Variants in DNAAF10 observed in about 807,000 individuals in gnomAD.
DNAAF10 encodes the protein WD repeat domain 92.
Under a neutral mutation model 43.7 loss-of-function variants are expected in DNAAF10, and 28 were observed. That is an observed-to-expected ratio of 0.64 (90% CI 0.48 to 0.88). DNAAF10 has a LOEUF of 0.88. Among genes scored for constraint, DNAAF10 ranks in the 40% least tolerant of loss-of-function variants. The probability of loss-of-function intolerance (pLI) is 0.00; values close to 1 mark genes in which losing one functional copy is unlikely to be tolerated. For missense variants in DNAAF10, 403 were observed against 439.1 expected, an observed-to-expected ratio of 0.92 and a Z score of 0.73; for synonymous variants, 156 against 157.3, an observed-to-expected ratio of 0.99 and a Z score of 0.06.
intron 1 of DNAAF10, among the ~76,000 whole-genome samples, chr2:68,148,629 G>C (rs2103629655): frequency 6.6e-6 from 1 of 152,108 alleles, no homozygotes; most frequent in East Asian, 1.9e-4. Flanking sequence ...GAGATCTCCG[G>C]AATCTGGAAT....
Position 68,140,614 on chromosome 2 carries a change from G to A in DNAAF10, c.517+1080C>T, listed in dbSNP as rs539650082. 4.1e-4 allele frequency among the ~76,000 whole-genome samples: 63 copies of A among 152,080 alleles called. 2 individuals carry two copies. The South Asian group carries it at 9.3e-3, about 23-fold the overall frequency. Reference sequence around the variant, plus strand: ...ATTCTCTGTACCACTCATCACTCCCGCTAAATACCACTAGTTCATTTTCCT... The same window carrying A: ...ATTCTCTGTACCACTCATCACTCCCACTAAATACCACTAGTTCATTTTCCT... On this transcript the variant is annotated intron_variant, in intron 4 of 7. Transcript: ENST00000295121.
At chr2:68,143,287 A>C (rs764655134) in intron 3 of DNAAF10, among the ~76,000 whole-genome samples, 18 of 152,158 alleles carry the variant, frequency 1.2e-4, no homozygotes, top group Non-Finnish European at 2.2e-4. Context: ...AGGTTCAAGC[A>C]AAACTTGTGT....
At chr2:68,153,668 T>C (rs1572928845) in intron 1 of DNAAF10, among the ~76,000 whole-genome samples, 1 of 150,708 alleles carries the variant, frequency 6.6e-6, no homozygotes, top group East Asian at 1.9e-4. Context: ...CAGTAAGGAG[T>C]GGGAGTTACT....
At position 68,130,914 on chromosome 2, in the gene DNAAF10, C is replaced by CTTTTT. The variant is rs879114176; in HGVS notation, c.*319_*323dup. 1.1e-4 allele frequency: 13 copies of CTTTTT among 122,616 alleles called. No individual in the cohort carries two copies. The highest frequency in any genetic ancestry group is 1.8e-4 in the Admixed American group (2 of 11,226). 7.6% of individuals were successfully genotyped at this position (122,616 alleles called of 1,614,324 possible). A position where few individuals can be genotyped will look rare whatever the true frequency, so the allele number is the denominator to read the frequency against. On this transcript the variant is annotated 3_prime_UTR_variant, in exon 8 of 8. Coordinates refer to ENST00000295121, the MANE Select transcript of DNAAF10 (RefSeq NM_138458.4). Reference sequence around the variant, plus strand: ...CTCTGGAAGGTTTCAAGTCCAAAGTCTTTTTTTTTTTTTTTTTTTTTGAGA... The same window carrying CTTTTT: ...CTCTGGAAGGTTTCAAGTCCAAAGTCTTTTTTTTTTTTTTTTTTTTTTTTTTGAGA...
intron 3 of DNAAF10, among the ~76,000 whole-genome samples, chr2:68,142,779 A>G (rs900752356): frequency 4.0e-5 from 6 of 148,472 alleles, no homozygotes; most frequent in Non-Finnish European, 9.0e-5. Context: ...GAAAAGGGCA[A>G]AAAAAAAAAA....
chr2:68,155,659 C>T (rs891022735), intron 1 of DNAAF10, among the ~76,000 whole-genome samples: 1 of 152,066 alleles, frequency 6.6e-6, no homozygotes, highest in Non-Finnish European at 1.5e-5. Context: ...TAGCACTGCA[C>T]TCCGGACTGG....
intron 5 of DNAAF10, among the ~76,000 whole-genome samples, chr2:68,138,488 G>A (rs974278398): frequency 5.3e-5 from 8 of 152,176 alleles, no homozygotes; most frequent in Admixed American, 1.3e-4. Flanking sequence ...GCCCACAGGG[G>A]TCTGCAGACA....
intron 1 of DNAAF10, among the ~76,000 whole-genome samples, chr2:68,155,745 C>G (rs1035718180): frequency 7.2e-5 from 11 of 151,834 alleles, no homozygotes; most frequent in Admixed American, 6.6e-4. Context: ...AGAAATTTTA[C>G]TTTGTGTAGA....
intron 1 of DNAAF10, 161 bp downstream of exon 1, chr2:68,157,100 A>C (rs1673641854): frequency 6.9e-6 from 7 of 1,008,572 alleles, no homozygotes; most frequent in Admixed American, 5.6e-5. Context: ...AAAGGTTTTA[A>C]ATAGGAAACA....
At chr2:68,132,875 C>T (rs979463122) in intron 7 of DNAAF10, among the ~76,000 whole-genome samples, 1 of 152,172 alleles carries the variant, frequency 6.6e-6, no homozygotes, top group African/African-American at 2.4e-5. Flanking sequence ...ACTTTACTGA[C>T]GGAACTAAAT....
chr2:68,143,650 T>C (rs921933116), intron 3 of DNAAF10, among the ~76,000 whole-genome samples: 1 of 152,218 alleles, frequency 6.6e-6, no homozygotes, highest in African/African-American at 2.4e-5. Context: ...GAATATTATA[T>C]AGTCATTAAA....
intron 5 of DNAAF10, among the ~76,000 whole-genome samples, chr2:68,138,276 G>A (rs1192181241): frequency 6.6e-6 from 1 of 152,042 alleles, no homozygotes; most frequent in Non-Finnish European, 1.5e-5. Context: ...AATGCCTTTG[G>A]GGAATCATTA....
Position 68,131,253 on chromosome 2 carries a change from C to T in DNAAF10, c.1059G>A (p.Lys353=). The T allele has an allele frequency of 6.2e-7, 1 of 1,613,996 alleles. No homozygotes were observed. Among genetic ancestry groups the T allele is most frequent in the Non-Finnish European group, 8.5e-7 (1 of 1,179,998 alleles). The change falls in exon 8 of 8, where the codon AAG becomes AAA. Residue 353 remains lysine, a synonymous_variant. Transcript: ENST00000295121. ...DQTVRVLIVT[K]LNKI ...AGTCTTGAAGTCAAATTTTATTGAGCTTTGTAACGATCAGTACTCTCACCG... is the reference window on the plus strand; with the variant it reads ...AGTCTTGAAGTCAAATTTTATTGAGTTTTGTAACGATCAGTACTCTCACCG...
At chr2:68,156,296 C>T (rs1673609462) in intron 1 of DNAAF10, among the ~76,000 whole-genome samples, 1 of 152,040 alleles carries the variant, frequency 6.6e-6, no homozygotes, top group South Asian at 2.1e-4. Context: ...CCTTTATCTA[C>T]CAGTTTAATC....
chr2:68,146,088 C>T (rs1339860013), intron 2 of DNAAF10, among the ~76,000 whole-genome samples: 1 of 152,096 alleles, frequency 6.6e-6, no homozygotes, highest in East Asian at 1.9e-4. Context: ...ATGGCGAAAC[C>T]CCATCTCTAC....
In DNAAF10 at chr2:68,131,179, A is replaced by G; in HGVS notation, c.*59T>C. The G allele has an allele frequency of 3.2e-6, 5 of 1,572,792 alleles. No individual in the cohort carries two copies. Among genetic ancestry groups the G allele is most frequent in the Non-Finnish European group, 4.4e-6 (5 of 1,143,826 alleles). On this transcript the variant is annotated 3_prime_UTR_variant, in exon 8 of 8. Coordinates refer to ENST00000295121, the MANE Select transcript of DNAAF10 (RefSeq NM_138458.4). ...CTGATCCACCCGCCTCGGCCTCCCA[A>G]AGTGCTGGGATTACAGGAGTGAGCC...
At chr2:68,154,601 C>T (rs1673543950) in intron 1 of DNAAF10, among the ~76,000 whole-genome samples, 1 of 152,064 alleles carries the variant, frequency 6.6e-6, no homozygotes, top group Non-Finnish European at 1.5e-5. Context: ...ATATTTTCTT[C>T]GTTTTCCTAT....
intron 6 of DNAAF10, among the ~76,000 whole-genome samples, chr2:68,136,389 A>C (rs528744068): frequency 6.6e-6 from 1 of 152,202 alleles, no homozygotes; most frequent in Non-Finnish European, 1.5e-5. Context: ...AAGCAAACCA[A>C]TATTATAATT....
chr2:68,134,740 C>T lies in DNAAF10; in HGVS notation c.828G>A (p.Leu276=). ...GAAGGCCGCCGGCGCCTCCAGCTGT[C>T]AGAAAGAGCTCCCTGTTCTGCGGCA... ...RHLPQNRELF[L]TAGGAGGLHL... is the part of the protein sequence containing the mutation. Residue 276 remains leucine, a synonymous_variant, in exon 7 of 8, where the codon CTG becomes CTA. Transcript: ENST00000295121. 1 of 1,609,280 alleles carries T rather than the reference C, an allele frequency of 6.2e-7. No individual in the cohort carries two copies. The highest frequency in any genetic ancestry group is 8.5e-7 in the Non-Finnish European group (1 of 1,178,920).
Sources: allele counts gnomAD v4.1 joint callset (sites outside exome capture counted in the v4.1 genomes callset), GRCh38; gene constraint gnomAD v4.1.1; transcripts MANE v1.5; gene names NCBI Gene and HGNC (gene_info 2026-07-23, HGNC 2026-07-21).